Variants in TTC14 observed in about 807,000 individuals in gnomAD.
The protein encoded by TTC14 is tetratricopeptide repeat protein 14.
TTC14 carries 63 observed loss-of-function variants against 79.9 expected under a neutral mutation model. The observed-to-expected ratio is 0.79, with a 90% confidence interval of 0.64 to 0.97. The LOEUF is 0.97. TTC14 is among the 50% of genes least tolerant of loss of function. TTC14 has a pLI of 0.00. For missense variants in TTC14, 895 were observed against 894.0 expected (o/e 1.00, Z -0.01); for synonymous variants, 335 against 309.6 (o/e 1.08, Z -0.86).
intron 7 of TTC14, 79 bp downstream of exon 7, chr3:180,605,916 A>G (rs1484110144): frequency 3.4e-5 from 48 of 1,407,864 alleles, no homozygotes; most frequent in Non-Finnish European, 4.1e-5. Flanking sequence ...TATATCATCA[A>G]TAAGACAAAT....
downstream of TTC14, chr3:180,614,709 GTAGC>G: frequency 2.1e-6 from 1 of 476,130 alleles, no homozygotes. Context: ...TGTATAACAT[GTAGC>G]CTTGTCAAGA....
intron 7 of TTC14, 123 bp downstream of exon 7, chr3:180,605,960 G>T: frequency 9.8e-7 from 1 of 1,025,288 alleles, no homozygotes; most frequent in Non-Finnish European, 1.4e-6. Flanking sequence ...TTTTTGACAT[G>T]AGCTTTTCTT....
chr3:180,605,085 T>C, intron 6 of TTC14, 78 bp downstream of exon 6: 1 of 1,449,520 alleles, frequency 6.9e-7, no homozygotes, highest in Non-Finnish European at 9.3e-7. Flanking sequence ...CTGAAGGACG[T>C]ATTTTACCAT....
rs186988251 is a variant in TTC14, at chr3:180,604,018, C to A, written c.487-207C>A. On this transcript the variant is annotated intron_variant, in intron 3 of 11. Transcript: ENST00000296015. ...TGGTTCCTAAACTAATGGAAAGTTT[C>A]ATGAGATTTTAGTTTTTTAACTGAA... is the stretch of plus-strand genomic sequence containing the variant. 120 of 570,488 alleles carry A rather than the reference C, an allele frequency of 2.1e-4. 1 individual carries two copies. In the East Asian group the frequency reaches 3.5e-3, roughly 17 times the overall value. The allele number at this position is 570,488 out of a possible 1,614,324, so 35.3% of individuals were successfully genotyped here. A position where few individuals can be genotyped will look rare whatever the true frequency, so the allele number is the denominator to read the frequency against.
intron 9 of TTC14, 116 bp downstream of exon 9, chr3:180,606,719 A>G (rs778652627): frequency 5.4e-5 from 66 of 1,222,332 alleles, no homozygotes; most frequent in Middle Eastern, 2.5e-4. Context: ...CTTGGTTTCA[A>G]TAAATAAATG....
At chr3:180,614,822 T>G (rs1014569413), downstream of TTC14, 9 of 1,122,104 alleles carry the variant, frequency 8.0e-6, no homozygotes, top group Non-Finnish European at 1.1e-5. Context: ...CCACTAAGTT[T>G]TTACACTTTC....
Position 180,604,229 on chromosome 3 carries a change from T to C in TTC14, c.491T>C (p.Leu164Pro), listed in dbSNP as rs1462472340. The C allele has an allele frequency of 1.2e-6, 2 of 1,612,600 alleles. No individual in the cohort carries two copies. Among genetic ancestry groups the C allele is most frequent in the East Asian group, 2.2e-5 (1 of 44,772 alleles). Residue 164 changes from leucine (L) to proline (P), a missense_variant, in exon 4 of 12, where the codon CTT (leucine) becomes CCT (proline). Coordinates refer to ENST00000296015, the MANE Select transcript of TTC14 (RefSeq NM_133462.4). ...TTAAAATACTTCTCATTACAGGCTC[T>C]TTGTCCCTTAAGAGATGTGCCTTCT... The part of the protein sequence containing the change: ...RDIAHLEITA[L>P]CPLRDVPSHS...
chr3:180,613,637 TACA>T (rs1717109991), downstream of TTC14, among the ~76,000 whole-genome samples: 1 of 152,200 alleles, frequency 6.6e-6, no homozygotes, highest in African/African-American at 2.4e-5. Flanking sequence ...GCTAGTAAGA[TACA>T]ACCTCTACCT....
rs760151554 is a variant in TTC14, at chr3:180,609,860, C to T, written c.1631C>T (p.Ser544Leu). The change falls in exon 12 of 12, where the codon TCA becomes TTA. Residue 544 changes from serine (S) to leucine (L), a missense_variant. Coordinates refer to ENST00000296015, the MANE Select transcript of TTC14 (RefSeq NM_133462.4). The part of the protein sequence containing the change: ...DECYPVPANT[S>L]ASFLNHKQEV... ...TGCTACCCAGTTCCAGCTAATACTT[C>T]AGCATCTTTTCTTAACCATAAACAA... The T allele has an allele frequency of 1.2e-6, 2 of 1,613,674 alleles. No individual in the cohort carries two copies. The highest frequency in any genetic ancestry group is 1.1e-5 in the South Asian group (1 of 91,014).
intron 9 of TTC14, 75 bp downstream of exon 9, chr3:180,606,678 A>G: frequency 6.7e-7 from 1 of 1,498,620 alleles, no homozygotes; most frequent in Non-Finnish European, 9.0e-7. Flanking sequence ...ACTTAAGGAA[A>G]TAGTTTCTTA....
rs1381904690 is a variant in TTC14, at chr3:180,609,778, A to C, written c.1549A>C (p.Arg517=). 1.2e-6 allele frequency: 2 copies of C among 1,613,908 alleles called. No homozygotes were observed. Among genetic ancestry groups the C allele is most frequent in the Non-Finnish European group, 1.7e-6 (2 of 1,179,928 alleles). ...RNRSESSRSS[R]RHSSRASSNQ... ...CCGTTCAGAGTCTTCTCGCAGTTCC[A>C]GAAGGCATTCATCTAGGGCATCCTC... Residue 517 remains arginine, a synonymous_variant, in exon 12 of 12, where the codon AGA becomes CGA. Transcript: ENST00000296015.
chr3:180,603,325 T>A lies in TTC14; in HGVS notation c.486+2T>A. On this transcript the variant is annotated splice_donor_variant, in intron 3 of 11. Transcript: ENST00000296015. LOFTEE classifies it high-confidence loss of function. ...GATATAGCCCACTTAGAAATCACAG[T>A]AAGTTATTTTTGTTACTTGGATTGC... 6.2e-7 allele frequency: 1 copy of A among 1,612,288 alleles called. No individual in the cohort carries two copies. The highest frequency in any genetic ancestry group is 8.5e-7 in the Non-Finnish European group (1 of 1,178,382).
chr3:180,605,055 A>G, intron 6 of TTC14, 48 bp downstream of exon 6: 1 of 1,552,850 alleles, frequency 6.4e-7, no homozygotes, highest in Non-Finnish European at 8.7e-7. Context: ...AGTGGCAGTA[A>G]GCTCAGAAGC....
Position 180,610,352 on chromosome 3 carries a change from A to G in TTC14, c.2123A>G (p.Asn708Ser). The part of the protein sequence containing the change: ...RHEQRYRLNT[N>S]QGEYEREDNY... ...GAGCAAAGATACCGTTTAAATACAA[A>G]TCAAGGAGAATATGAAAGAGAGGAC... The change falls in exon 12 of 12, where the codon AAT becomes AGT. Residue 708 changes from asparagine to serine, a missense_variant. Asn to Ser is a conservative substitution (Grantham distance 46, BLOSUM62 1). Coordinates refer to ENST00000296015, the MANE Select transcript of TTC14 (RefSeq NM_133462.4). The G allele has an allele frequency of 6.2e-7, 1 of 1,613,150 alleles. No individual in the cohort carries two copies. The highest frequency in any genetic ancestry group is 8.5e-7 in the Non-Finnish European group (1 of 1,179,734).
chr3:180,612,660 C>T (rs950847285), downstream of TTC14, among the ~76,000 whole-genome samples: 1 of 150,374 alleles, frequency 6.7e-6, no homozygotes, highest in Non-Finnish European at 1.5e-5. Context: ...TCGCTTGAGC[C>T]CAGGAGTTCG....
chr3:180,606,940 T>G (rs904264088), intron 9 of TTC14, among the ~76,000 whole-genome samples: 4 of 152,190 alleles, frequency 2.6e-5, no homozygotes, highest in Non-Finnish European at 5.9e-5. Flanking sequence ...GGATAACTAG[T>G]AACTACTTAT....
At chr3:180,613,929 T>G, downstream of TTC14, 1 of 437,666 alleles carries the variant, frequency 2.3e-6, no homozygotes, top group Non-Finnish European at 4.5e-6. Context: ...CAGAAAGAAG[T>G]ACAAACAACA....
intron 1 of TTC14, 141 bp from the exon 2 acceptor site, chr3:180,602,750 A>T: frequency 9.9e-7 from 1 of 1,007,220 alleles, no homozygotes; most frequent in Non-Finnish European, 1.4e-6. Flanking sequence ...GGGAATGCCT[A>T]GTTAAAACTT....
intron 3 of TTC14, 98 bp downstream of exon 3, chr3:180,603,421 C>G: frequency 9.7e-7 from 1 of 1,028,212 alleles, no homozygotes; most frequent in Non-Finnish European, 1.5e-6. Flanking sequence ...AGTATACCTG[C>G]CAAGATGCTT....
Sources: allele counts gnomAD v4.1 joint callset (sites outside exome capture counted in the v4.1 genomes callset), GRCh38; gene constraint gnomAD v4.1.1; transcripts MANE v1.5; gene names NCBI Gene and HGNC (gene_info 2026-07-23, HGNC 2026-07-21).